SLC9A9: variants seen among roughly 807,000 people sequenced by gnomAD.
SLC9A9 encodes solute carrier family 9 member A9.
A neutral mutation model predicts 77.8 loss-of-function variants in SLC9A9; 62 were observed. The observed-to-expected ratio is 0.80, with a 90% CI of 0.65 to 0.98. The LOEUF is 0.98. Among genes scored for constraint, SLC9A9 ranks in the 50% least tolerant of loss-of-function variants. SLC9A9 has a pLI of 0.00. For synonymous variants in SLC9A9, 320 were observed against 283.5 expected (o/e 1.13, Z -1.29); for missense variants, 775 against 774.9 (o/e 1.00, Z 0.00).
chr3:143,486,157 A>G (rs1383357237), intron 11 of SLC9A9, among the ~76,000 whole-genome samples: 2 of 152,142 alleles, frequency 1.3e-5, no homozygotes, highest in African/African-American at 4.8e-5. Flanking sequence ...ATAAAAAACA[A>G]AAACAAAAAC....
At chr3:143,399,351 T>C (rs1473758081) in intron 12 of SLC9A9, among the ~76,000 whole-genome samples, 1 of 152,220 alleles carries the variant, frequency 6.6e-6, no homozygotes, top group Non-Finnish European at 1.5e-5. Context: ...TGGGCTGAAG[T>C]GCATGCTTGC....
chr3:143,832,074 C>T lies in SLC9A9; in HGVS notation c.323G>A (p.Arg108Lys), dbSNP rs767428360. The T allele has an allele frequency of 1.2e-6, 2 of 1,613,024 alleles. No individual in the cohort carries two copies. The highest frequency in any genetic ancestry group is 1.1e-5 in the South Asian group (1 of 91,056). Residue 108 changes from arginine (R) to lysine (K), a missense_variant, in exon 2 of 16, where the codon AGA becomes AAA. Physicochemically the swap from Arg to Lys is conservative, Grantham distance 26. Coordinates refer to ENST00000316549, the MANE Select transcript of SLC9A9 (RefSeq NM_173653.4). ...TDQVYEYKYKREISQHNINPH... is the reference protein window; with the variant it reads ...TDQVYEYKYKKEISQHNINPH... ...ATTGATGTTGTGCTGACTTATTTCTCTTTTGTATTTATATTCATAAACTTG... is the reference window on the plus strand; with the variant it reads ...ATTGATGTTGTGCTGACTTATTTCTTTTTTGTATTTATATTCATAAACTTG...
At chr3:143,574,056 A>G in intron 8 of SLC9A9, 32 bp downstream of exon 8, 2 of 1,584,184 alleles carry the variant, frequency 1.3e-6, no homozygotes, top group Non-Finnish European at 1.7e-6. Flanking sequence ...ATATTCACAC[A>G]TCCAGTTGGC....
chr3:143,755,233 C>A (rs2006882569), intron 4 of SLC9A9, among the ~76,000 whole-genome samples: 1 of 152,054 alleles, frequency 6.6e-6, no homozygotes, highest in Non-Finnish European at 1.5e-5. Flanking sequence ...CCTAAGCCAC[C>A]TCTCAATGAA....
At position 143,832,241 on chromosome 3, in the gene SLC9A9, T is replaced by C. The variant is rs1559819180; in HGVS notation, c.176-20A>G. Reference sequence around the variant, plus strand: ...TAAGGCCTAAAAAAAAAAGAATAAATAATGGTACTGGAGGAAGGCAATCTA... The same window carrying C: ...TAAGGCCTAAAAAAAAAAGAATAAACAATGGTACTGGAGGAAGGCAATCTA... On this transcript the variant is annotated intron_variant, in intron 1 of 15. Coordinates refer to ENST00000316549, the MANE Select transcript of SLC9A9 (RefSeq NM_173653.4). 6.3e-7 allele frequency: 1 copy of C among 1,592,756 alleles called. No individual in the cohort carries two copies. The highest frequency in any genetic ancestry group is 8.6e-7 in the Non-Finnish European group (1 of 1,165,932).
At chr3:143,572,765 G>A (rs1485087769) in intron 8 of SLC9A9, among the ~76,000 whole-genome samples, 1 of 152,204 alleles carries the variant, frequency 6.6e-6, no homozygotes, top group Non-Finnish European at 1.5e-5. Flanking sequence ...AACGGGAATA[G>A]CTTGGACTGT....
intron 2 of SLC9A9, among the ~76,000 whole-genome samples, chr3:143,814,325 T>C (rs1213908611): frequency 6.6e-6 from 1 of 151,940 alleles, no homozygotes; most frequent in African/African-American, 2.4e-5. Flanking sequence ...GAATCATCAG[T>C]ATGGAAAAAA....
At chr3:143,806,952 C>T (rs2008733753) in intron 2 of SLC9A9, among the ~76,000 whole-genome samples, 1 of 152,142 alleles carries the variant, frequency 6.6e-6, no homozygotes, top group Non-Finnish European at 1.5e-5. Context: ...TTTTAAAAGC[C>T]TCTCTTGGCT....
At chr3:143,382,004 C>G in intron 13 of SLC9A9, 56 bp downstream of exon 13, 1 of 1,596,638 alleles carries the variant, frequency 6.3e-7, no homozygotes, top group South Asian at 1.1e-5. Context: ...ATGGAACAGC[C>G]TATGGAACAG....
intron 4 of SLC9A9, among the ~76,000 whole-genome samples, chr3:143,727,068 C>G (rs942224399): frequency 2.0e-5 from 3 of 151,984 alleles, no homozygotes; most frequent in Non-Finnish European, 4.4e-5. Context: ...AGCCACTTCC[C>G]TAATGATAGG....
chr3:143,597,938 G>T (rs2037785709), intron 6 of SLC9A9, among the ~76,000 whole-genome samples: 1 of 152,010 alleles, frequency 6.6e-6, no homozygotes, highest in South Asian at 2.1e-4. Context: ...CGGCACTGTG[G>T]GGTTAAACAT....
chr3:143,558,658 A>C (rs115155217), intron 8 of SLC9A9, among the ~76,000 whole-genome samples: 1,856 of 152,266 alleles, frequency 0.012, 37 homozygotes, highest in African/African-American at 0.043. Flanking sequence ...TTTGGAATGC[A>C]ATGCCTGTAC....
intron 9 of SLC9A9, among the ~76,000 whole-genome samples, chr3:143,539,124 A>G (rs2036643296): frequency 6.6e-6 from 1 of 152,196 alleles, no homozygotes; most frequent in African/African-American, 2.4e-5. Flanking sequence ...AGGCAGGTCT[A>G]TCATAACAGT....
At chr3:143,760,672 C>T (rs1195120481) in intron 4 of SLC9A9, among the ~76,000 whole-genome samples, 1 of 152,146 alleles carries the variant, frequency 6.6e-6, no homozygotes, top group Non-Finnish European at 1.5e-5. Flanking sequence ...CTACAAAACA[C>T]TGCTCAACAA....
At chr3:143,402,445 GT>G (rs2033882562) in intron 12 of SLC9A9, among the ~76,000 whole-genome samples, 1 of 88,292 alleles carries the variant, frequency 1.1e-5, no homozygotes, top group Admixed American at 1.3e-4. Context: ...TAGCACCTTT[GT>G]GTTTTTTTTT....
intron 4 of SLC9A9, among the ~76,000 whole-genome samples, chr3:143,708,340 C>T (rs193206769): frequency 1.1e-3 from 161 of 152,182 alleles, no homozygotes; most frequent in African/African-American, 3.7e-3. Flanking sequence ...GCAATGAAGG[C>T]AGTGCGAGAC....
At chr3:143,499,889 G>A (rs577004233) in intron 9 of SLC9A9, among the ~76,000 whole-genome samples, 7 of 152,088 alleles carry the variant, frequency 4.6e-5, no homozygotes, top group South Asian at 2.1e-4. Context: ...ATTGATTTTC[G>A]AATGCTAAAA....
intron 2 of SLC9A9, among the ~76,000 whole-genome samples, chr3:143,812,890 C>T (rs968867394): frequency 9.2e-5 from 14 of 152,092 alleles, no homozygotes; most frequent in Non-Finnish European, 1.9e-4. Flanking sequence ...TACATTAAGC[C>T]GCTGAGATGT....
intron 9 of SLC9A9, among the ~76,000 whole-genome samples, chr3:143,551,912 AAGGG>A (rs1379731454): frequency 1.3e-5 from 2 of 152,222 alleles, no homozygotes; most frequent in Non-Finnish European, 2.9e-5. Flanking sequence ...TTCTTGGCAT[AAGGG>A]AGATATATTC....
Sources: allele counts gnomAD v4.1 joint callset (sites outside exome capture counted in the v4.1 genomes callset), GRCh38; gene constraint gnomAD v4.1.1; transcripts MANE v1.5; gene names NCBI Gene and HGNC (gene_info 2026-07-23, HGNC 2026-07-21).